SS18L1: variants seen among roughly 807,000 people sequenced by gnomAD.
SS18L1 encodes SS18L1 subunit of BAF chromatin remodeling complex.
Under a neutral mutation model 70.3 loss-of-function variants are expected in SS18L1, and 32 were observed. The observed-to-expected ratio is 0.46, with a 90% CI of 0.34 to 0.61. The LOEUF (loss-of-function observed/expected upper bound fraction) is 0.61. Ranked by LOEUF, SS18L1 falls within the 20% of genes least tolerant of loss-of-function variation. The pLI is 0.01. For synonymous variants in SS18L1, 237 were observed against 229.7 expected, an observed-to-expected ratio of 1.03 and a Z score of -0.29; for missense variants, 430 against 542.1, an observed-to-expected ratio of 0.79 and a Z score of 2.05.
At position 62,180,047 on chromosome 20, in the gene SS18L1, T is replaced by C. The variant is rs531778850; in HGVS notation, c.*839T>C. The C allele has an allele frequency of 4.8e-4, 103 of 216,026 alleles. No homozygotes were observed. The highest frequency in any genetic ancestry group is 2.1e-3 in the African/African-American group (93 of 44,432). 13.4% of individuals were successfully genotyped at this position (216,026 alleles called of 1,614,324 possible). On this transcript the variant is annotated 3_prime_UTR_variant, in exon 11 of 11. Coordinates refer to ENST00000331758, the MANE Select transcript of SS18L1 (RefSeq NM_198935.3). ...CTGGCTTTGACCCTTGTTTAGCTGA[T>C]GGTCATTTCTGGGATTGGAATATTT...
rs201031146 is a variant in SS18L1, at chr20:62,158,667, C to T, written c.70-5C>T. Reference sequence around the variant, plus strand: ...CGGCAGCGCCCGCTCACGCTCTCTCCGCAGATGCTGGACGAGAACCACCAC... The same window carrying T: ...CGGCAGCGCCCGCTCACGCTCTCTCTGCAGATGCTGGACGAGAACCACCAC... On this transcript the variant is annotated splice_polypyrimidine_tract_variant and splice_region_variant and intron_variant, in intron 1 of 10. Coordinates refer to ENST00000331758, the MANE Select transcript of SS18L1 (RefSeq NM_198935.3). The surrounding 1 kb of genome is among the most constrained non-coding windows in gnomAD (Gnocchi z 4.5). 26 of 1,612,194 alleles carry T rather than the reference C, an allele frequency of 1.6e-5. No homozygotes were observed. The highest frequency in any genetic ancestry group is 1.3e-4 in the East Asian group (6 of 44,900).
intron 4 of SS18L1, among the ~76,000 whole-genome samples, chr20:62,162,047 C>T (rs1013299810): frequency 4.0e-5 from 6 of 150,448 alleles, no homozygotes; most frequent in African/African-American, 1.5e-4. Context: ...ATGGCAAAGC[C>T]CCATCTTTAC....
At chr20:62,167,025 A>G (rs2057444387) in intron 8 of SS18L1, among the ~76,000 whole-genome samples, 2 of 138,456 alleles carry the variant, frequency 1.4e-5, no homozygotes, top group African/African-American at 5.5e-5. Context: ...GGATTGCTTG[A>G]GCTCAGGAGT....
At chr20:62,175,968 T>G (rs1463816425) in intron 10 of SS18L1, among the ~76,000 whole-genome samples, 1 of 152,224 alleles carries the variant, frequency 6.6e-6, no homozygotes, top group Non-Finnish European at 1.5e-5. Flanking sequence ...CCCCAGTGTG[T>G]GCTGGGCGCT....
Position 62,164,224 on chromosome 20 carries a change from G to A in SS18L1, c.801G>A (p.Met267Ile). The A allele has an allele frequency of 2.6e-6, 4 of 1,549,588 alleles. No individual in the cohort carries two copies. The highest frequency in any genetic ancestry group is 3.5e-6 in the Non-Finnish European group (4 of 1,146,652). The change falls in exon 7 of 11, where the codon ATG becomes ATA. Residue 267 changes from methionine to isoleucine, a missense_variant. Coordinates refer to ENST00000331758, the MANE Select transcript of SS18L1 (RefSeq NM_198935.3). ...YSHSQGAAEP[M>I]GQQYYPDGHG... Reference sequence around the variant, plus strand: ...ACAGCCAGGGCGCCGCGGAGCCCATGGGCCAGCAGTACTACCCCGACGGTG... The same window carrying A: ...ACAGCCAGGGCGCCGCGGAGCCCATAGGCCAGCAGTACTACCCCGACGGTG...
rs144529350 is a variant in SS18L1 at position 62,145,372 on chromosome 20, G to T, written c.69+1483G>T. Among the ~76,000 whole-genome samples the T allele has an allele frequency of 6.2e-3, 949 of 152,290 alleles. 5 individuals are homozygous for T. Among genetic ancestry groups the T allele is most frequent in the Non-Finnish European group, 9.1e-3 (619 of 68,022 alleles). On this transcript the variant is annotated intron_variant, in intron 1 of 10. Transcript: ENST00000331758. ...GCACAGCCAGGTGTCGATCCCATAC[G>T]GTGGCTCCAGGGTCTGCTCTGTTGG...
In SS18L1 at chr20:62,180,473, T is replaced by C. The variant is rs1280214058; in HGVS notation, c.*1265T>C. The C allele has an allele frequency of 5.5e-6, 1 of 182,866 alleles. No homozygotes were observed. The highest frequency in any genetic ancestry group is 2.3e-5 in the African/African-American group (1 of 42,566). The allele number at this position is 182,866 out of a possible 1,614,324, so 11.3% of individuals were successfully genotyped here. On this transcript the variant is annotated 3_prime_UTR_variant, in exon 11 of 11. Coordinates refer to ENST00000331758, the MANE Select transcript of SS18L1 (RefSeq NM_198935.3). Reference sequence around the variant, plus strand: ...TATTCATATTTGCTATGAATCCTTTTAAAAAAATCTTTGGATAAATGCTGA... The same window carrying C: ...TATTCATATTTGCTATGAATCCTTTCAAAAAAATCTTTGGATAAATGCTGA...
chr20:62,154,131 G>T (rs116155155), intron 1 of SS18L1: 2,868 of 192,010 alleles, frequency 0.015, 85 homozygotes, highest in African/African-American at 0.062. Context: ...CATGGCAGCA[G>T]CACAGCCGTC....
At chr20:62,146,604 C>CTTTTTTTTTT (rs1339898731) in intron 1 of SS18L1, among the ~76,000 whole-genome samples, 2 of 34,154 alleles carry the variant, frequency 5.9e-5, no homozygotes, top group African/African-American at 1.2e-4. Flanking sequence ...CTGCTTTGAT[C>CTTTTTTTTTT]ATTTTTTTTT....
Position 62,149,759 on chromosome 20 carries a change from G to A in SS18L1, c.69+5870G>A, listed in dbSNP as rs968528701. 3.3e-5 allele frequency among the ~76,000 whole-genome samples: 5 copies of A among 152,200 alleles called. No homozygotes were observed. The East Asian group carries it at 5.8e-4, about 18-fold the overall frequency. ...GGCACTCAACGAGCAAGGAATGGCC[G>A]GAATTTATCCGTGGTATTCGGAAAG... On this transcript the variant is annotated intron_variant, in intron 1 of 10. Transcript: ENST00000331758.
chr20:62,150,633 ATTTTTTTTTTTTTTT>A (rs34708339), intron 1 of SS18L1, among the ~76,000 whole-genome samples: 11,633 of 57,944 alleles, frequency 0.2, 962 homozygotes, highest in South Asian at 0.43. Context: ...ATTGAGGTGG[ATTTTTTTTTTTTTTT>A]TTTTTTTTTT....
At chr20:62,173,864 A>C (rs1404038810) in intron 9 of SS18L1, among the ~76,000 whole-genome samples, 1 of 150,854 alleles carries the variant, frequency 6.6e-6, no homozygotes, top group Non-Finnish European at 1.5e-5. Context: ...AAATACAAAA[A>C]TTAGCCAGGC....
chr20:62,178,602 C>T (rs1327004543), intron 10 of SS18L1, among the ~76,000 whole-genome samples: 1 of 152,064 alleles, frequency 6.6e-6, no homozygotes, highest in Non-Finnish European at 1.5e-5. Flanking sequence ...GACTAGAGTG[C>T]AGTGGTGCAA....
intron 3 of SS18L1, among the ~76,000 whole-genome samples, chr20:62,160,485 G>C (rs938551559): frequency 3.3e-5 from 5 of 152,170 alleles, no homozygotes; most frequent in Non-Finnish European, 5.9e-5. Context: ...CACATGCGCT[G>C]CTGTGGGTGA....
intron 1 of SS18L1, among the ~76,000 whole-genome samples, chr20:62,153,711 T>C (rs2427267): frequency 0.81 from 123,287 of 152,104 alleles, 49,916 homozygotes; most frequent in East Asian, 0.83. Context: ...TCTCCTCCTT[T>C]GCTCAGGTAT....
At chr20:62,149,892 G>A (rs542984311) in intron 1 of SS18L1, among the ~76,000 whole-genome samples, 2 of 152,180 alleles carry the variant, frequency 1.3e-5, no homozygotes, top group South Asian at 2.1e-4. Flanking sequence ...CAGACGTCGC[G>A]TGTTGCTAGT....
At chr20:62,168,664 A>G (rs1194716639) in intron 8 of SS18L1, among the ~76,000 whole-genome samples, 2 of 152,218 alleles carry the variant, frequency 1.3e-5, no homozygotes, top group South Asian at 2.1e-4. Context: ...ACTAAAAAAC[A>G]TTAGCCAGGT....
intron 10 of SS18L1, among the ~76,000 whole-genome samples, chr20:62,177,842 A>G (rs6062123): frequency 0.99 from 150,384 of 152,136 alleles, 74,381 homozygotes; most frequent in Middle Eastern, 1. Context: ...CTGCCTCAGC[A>G]TCCGGAGTAG....
chr20:62,156,655 C>G (rs1243136384), intron 1 of SS18L1, among the ~76,000 whole-genome samples: 1 of 152,230 alleles, frequency 6.6e-6, no homozygotes, highest in East Asian at 1.9e-4. Flanking sequence ...CCTGGCTTGG[C>G]TCTCTCCACC....
Sources: allele counts gnomAD v4.1 joint callset (sites outside exome capture counted in the v4.1 genomes callset), GRCh38; gene constraint gnomAD v4.1.1; non-coding constraint Gnocchi (gnomAD v3.1); transcripts MANE v1.5; gene names NCBI Gene and HGNC (gene_info 2026-07-23, HGNC 2026-07-21).